The following USP9Y variants were observed in gnomAD, a reference collection of about 807,000 sequenced individuals.
USP9Y encodes the protein ubiquitin carboxyl-terminal hydrolase 9Y.
A neutral mutation model predicts 53.1 loss-of-function variants in USP9Y; 41 were observed. The observed-to-expected ratio is 0.77, with a 90% CI of 0.60 to 1.00. The LOEUF is 1.00. USP9Y is among the 50% of genes least tolerant of loss of function. The pLI is 0.00. For synonymous variants in USP9Y, 220 were observed against 173.7 expected, an observed-to-expected ratio of 1.27 and a Z score of -2.09; for missense variants, 567 against 535.8, an observed-to-expected ratio of 1.06 and a Z score of -0.58.
chrY:12,833,810 T>G lies in USP9Y; in HGVS notation c.5144T>G (p.Val1715Gly). Reference protein sequence around the residue: ...ALGHPAILSKVLGGSFADQKI... With the variant: ...ALGHPAILSKGLGGSFADQKI... ...GGACACCCGGCTATACTAAGTAAAG[T>G]CCTAGGAGGCTCCTTTGCTGATCAG... Residue 1715 changes from valine to glycine, a missense_variant, in exon 34 of 46, where the codon GTC (valine) becomes GGC (glycine). By Grantham distance (109) the Val-to-Gly change is moderately radical. Coordinates refer to ENST00000338981, the MANE Select transcript of USP9Y (RefSeq NM_004654.4). 1 of 398,186 alleles carries G rather than the reference T, an allele frequency of 2.5e-6. No homozygotes were observed. Among genetic ancestry groups the G allele is most frequent in the Non-Finnish European group, 3.5e-6 (1 of 283,393 alleles).
intron 33 of USP9Y, among the ~76,000 whole-genome samples, chrY:12,831,002 A>C: frequency 3.0e-5 from 1 of 33,840 alleles, no homozygotes; most frequent in Non-Finnish European, 7.3e-5. Context: ...CTTAGGTATT[A>C]ATTTAACCAA....
At chrY:12,794,411 T>G in intron 27 of USP9Y, among the ~76,000 whole-genome samples, 1 of 33,905 alleles carries the variant, frequency 2.9e-5, no homozygotes, top group Non-Finnish European at 7.4e-5. Flanking sequence ...ACAAACATTT[T>G]CTCCTATTCT....
Sources: allele counts gnomAD v4.1 joint callset (sites outside exome capture counted in the v4.1 genomes callset), GRCh38; gene constraint gnomAD v4.1.1; transcripts MANE v1.5; gene names NCBI Gene and HGNC (gene_info 2026-07-23, HGNC 2026-07-21).